KMT2A: variants seen among roughly 807,000 people sequenced by gnomAD.
KMT2A encodes histone-lysine N-methyltransferase 2A.
Under a neutral mutation model 345.3 loss-of-function variants are expected in KMT2A, and 16 were observed. That is an observed-to-expected ratio of 0.05 (90% CI 0.03 to 0.07). The LOEUF is 0.07. KMT2A is among the 10% of genes least tolerant of loss of function. The pLI, the probability that KMT2A is intolerant of heterozygous loss-of-function variation, is 1.00. For synonymous variants in KMT2A, 1,599 were observed against 1,778.6 expected, an observed-to-expected ratio of 0.90 and a Z score of 2.54; for missense variants, 3,272 against 4,841.6, an observed-to-expected ratio of 0.68 and a Z score of 9.62.
intron 1 of KMT2A, among the ~76,000 whole-genome samples, chr11:118,451,533 A>G (rs1949537420): frequency 6.6e-6 from 1 of 152,114 alleles, no homozygotes; most frequent in African/African-American, 2.4e-5. Flanking sequence ...GACTACAGGC[A>G]CATGCCACCA....
At position 118,526,426 on chromosome 11, in the gene KMT2A, G is replaced by A. The variant is rs1555055629; in HGVS notation, c.*4254G>A. 1.8e-5 allele frequency: 4 copies of A among 228,022 alleles called. No homozygotes were observed. The highest frequency in any genetic ancestry group is 8.9e-5 in the African/African-American group (4 of 45,062). 14.1% of individuals were successfully genotyped at this position (228,022 alleles called of 1,614,324 possible). On this transcript the variant is annotated 3_prime_UTR_variant, in exon 36 of 36. Coordinates refer to ENST00000534358, the MANE Select transcript of KMT2A (RefSeq NM_001197104.2). ...TGTTTCTTTTATTGAACTTTTAACA[G>A]TCTCTTTAGTAAATACAGGTAGTTG...
chr11:118,507,921 C>T (rs1555049058), intron 28 of KMT2A, among the ~76,000 whole-genome samples: 1 of 152,058 alleles, frequency 6.6e-6, no homozygotes, highest in African/African-American at 2.4e-5. Flanking sequence ...TGAGATCGCG[C>T]CACTGCACTC....
chr11:118,458,161 G>T, intron 1 of KMT2A: 1 of 400,086 alleles, frequency 2.5e-6, no homozygotes, highest in Non-Finnish European at 5.1e-6. Context: ...ACAGTTCACT[G>T]CAGCCTGTAT....
intron 1 of KMT2A, among the ~76,000 whole-genome samples, chr11:118,456,071 G>T (rs1949636552): frequency 6.6e-6 from 1 of 151,844 alleles, no homozygotes; most frequent in African/African-American, 2.4e-5. Context: ...CAAACTCCTG[G>T]AATATCCCAC....
At chr11:118,519,543 T>A in intron 31 of KMT2A, 75 bp from the exon 32 acceptor site, 2 of 1,349,084 alleles carry the variant, frequency 1.5e-6, no homozygotes, top group Non-Finnish European at 2.1e-6. Context: ...GACTATAGCA[T>A]AGGCATTTCT....
rs1426039605 is a variant in KMT2A, at chr11:118,474,225, G to A, written c.3066G>A (p.Arg1022=). 1 of 1,614,140 alleles carries A rather than the reference G, an allele frequency of 6.2e-7. No homozygotes were observed. The highest frequency in any genetic ancestry group is 8.5e-7 in the Non-Finnish European group (1 of 1,180,038). The stretch of plus-strand genomic sequence containing the variant: ...ACAAGCTTCCAATGACTGACAAGAG[G>A]GTTGCCAGCCTCCTAAAAAAGGCCA... ...QADKLPMTDK[R]VASLLKKAKA... is the part of the protein sequence containing the mutation. The change falls in exon 3 of 36, where the codon AGG becomes AGA. Residue 1022 remains arginine (R), a synonymous_variant. Transcript: ENST00000534358.
At chr11:118,519,925 T>C in intron 32 of KMT2A, 32 bp from the exon 33 acceptor site, 1 of 1,583,034 alleles carries the variant, frequency 6.3e-7, no homozygotes, top group Non-Finnish European at 8.7e-7. Flanking sequence ...TTAAAGCATT[T>C]CTCTAAATAT....
At position 118,501,726 on chromosome 11, in the gene KMT2A, C is replaced by G. The variant is rs782226750; in HGVS notation, c.6374C>G (p.Pro2125Arg). ...NTAEIISPPS[P>R]DRPPHSQTSG... ...GCTGAAATTATAAGTCCTCCATCAC[C>G]AGACCGACCTCCTCATTCACAAACC... is the stretch of plus-strand genomic sequence containing the variant. The change falls in exon 26 of 36, where the codon CCA (proline) becomes CGA (arginine). Residue 2125 changes from proline to arginine, a missense_variant. Around this residue, in one of 27 missense-constraint regions of KMT2A, gnomAD observed 66 missense variants for 73.9 expected, o/e 0.89. Transcript: ENST00000534358. 6.2e-7 allele frequency: 1 copy of G among 1,614,066 alleles called. No individual in the cohort carries two copies. Among genetic ancestry groups the G allele is most frequent in the Non-Finnish European group, 8.5e-7 (1 of 1,179,970 alleles).
In KMT2A at chr11:118,491,982, A is replaced by G. The variant is rs918762685; in HGVS notation, c.5004+54A>G. On this transcript the variant is annotated intron_variant, in intron 15 of 35. Transcript: ENST00000534358. This position sits in a 1 kb window ranked among gnomAD's most constrained non-coding sequence, Gnocchi z 4.2. Reference sequence around the variant, plus strand: ...GCTTGTTCTTAGGTAGTCTTTACCTAGTGTTTTTCTTTTGTTTTACTTCAT... The same window carrying G: ...GCTTGTTCTTAGGTAGTCTTTACCTGGTGTTTTTCTTTTGTTTTACTTCAT... The G allele has an allele frequency of 1.0e-5, 13 of 1,281,990 alleles. No homozygotes were observed. The highest frequency in any genetic ancestry group is 5.4e-4 in the Middle Eastern group (2 of 3,722). The allele number at this position is 1,281,990 out of a possible 1,614,324, so 79.4% of individuals were successfully genotyped here.
At position 118,494,176 on chromosome 11, in the gene KMT2A, A is replaced by G. The variant is rs1440247524; in HGVS notation, c.5179-112A>G. 6.1e-6 allele frequency: 4 copies of G among 651,490 alleles called. No homozygotes were observed. The highest frequency in any genetic ancestry group is 1.1e-5 in the Non-Finnish European group (4 of 358,370). The allele number at this position is 651,490 out of a possible 1,614,324, so 40.4% of individuals were successfully genotyped here. A position where few individuals can be genotyped will look rare whatever the true frequency, so the allele number is the denominator to read the frequency against. On this transcript the variant is annotated intron_variant, in intron 16 of 35. Coordinates refer to ENST00000534358, the MANE Select transcript of KMT2A (RefSeq NM_001197104.2). This position sits in a 1 kb window ranked among gnomAD's most constrained non-coding sequence, Gnocchi z 5.8. ...AAAGAGTATTATACCACATTAAAAT[A>G]GGGTGTGAGTTTTCTGTTGGATCTC... is the stretch of plus-strand genomic sequence containing the variant.
rs955430472 is a variant in KMT2A, at chr11:118,521,139, T to C, written c.11514-149T>C. 2.6e-5 allele frequency: 22 copies of C among 835,670 alleles called. No individual in the cohort carries two copies. The highest frequency in any genetic ancestry group is 3.8e-5 in the Non-Finnish European group (20 of 525,958). 51.8% of individuals were successfully genotyped at this position (835,670 alleles called of 1,614,324 possible). On this transcript the variant is annotated intron_variant, in intron 34 of 35. Transcript: ENST00000534358. This position sits in a 1 kb window ranked among gnomAD's most constrained non-coding sequence, Gnocchi z 5.3. Reference sequence around the variant, plus strand: ...CTTTCATCTTTGGCCATGTGTTAGATGGCCAAATCAAGTGGGTCCAAATTT... The same window carrying C: ...CTTTCATCTTTGGCCATGTGTTAGACGGCCAAATCAAGTGGGTCCAAATTT...
rs1443235781 is a variant in KMT2A at position 118,506,159 on chromosome 11, A to G, written c.10267A>G (p.Ile3423Val). The G allele has an allele frequency of 4.3e-6, 7 of 1,614,076 alleles. No homozygotes were observed. The highest frequency in any genetic ancestry group is 1.7e-5 in the Admixed American group (1 of 60,004). Reference sequence around the variant, plus strand: ...ATCACAGACCCCCTCTACTGCTGCAATAACAGCGGCATCTAGCATCTGTGT... The same window carrying G: ...ATCACAGACCCCCTCTACTGCTGCAGTAACAGCGGCATCTAGCATCTGTGT... ...GTSQTPSTAA[I>V]TAASSICVLP... Residue 3423 changes from isoleucine (I) to valine (V), a missense_variant, in exon 27 of 36, where the codon ATA becomes GTA. This residue lies in a region of KMT2A where 748 missense variants were observed against 922.2 expected (regional missense o/e 0.81). Coordinates refer to ENST00000534358, the MANE Select transcript of KMT2A (RefSeq NM_001197104.2).
Position 118,522,243 on chromosome 11 carries a change from C to T in KMT2A, c.*71C>T, listed in dbSNP as rs1555053839. On this transcript the variant is annotated 3_prime_UTR_variant, in exon 36 of 36. Coordinates refer to ENST00000534358, the MANE Select transcript of KMT2A (RefSeq NM_001197104.2). This position sits in a 1 kb window ranked among gnomAD's most constrained non-coding sequence, Gnocchi z 5.4. ...TCCAAAGCAACGCTGAAGGCCTTTT[C>T]CAGCAGCTGGGAGCTCCCGGATTGC... The T allele has an allele frequency of 6.4e-7, 1 of 1,560,014 alleles. No homozygotes were observed. The highest frequency in any genetic ancestry group is 1.4e-5 in the African/African-American group (1 of 73,796).
Position 118,482,764 on chromosome 11 carries a change from A to AAAG in KMT2A, c.4086+285_4086+287dup, listed in dbSNP as rs45545941. Reference sequence around the variant, plus strand: ...GTCTTTATTTAAACAAAAAAAAAAAAAAGAAGAAGAAGAAGAAGTTAGCCA... The same window carrying AAAG: ...GTCTTTATTTAAACAAAAAAAAAAAAAAGAAGAAGAAGAAGAAGAAGTTAGCCA... On this transcript the variant is annotated intron_variant, in intron 8 of 35. Coordinates refer to ENST00000534358, the MANE Select transcript of KMT2A (RefSeq NM_001197104.2). Among the ~76,000 whole-genome samples the AAAG allele has an allele frequency of 2.7e-5, 4 of 146,136 alleles. No individual in the cohort carries two copies. In the South Asian group the frequency reaches 6.4e-4, roughly 23 times the overall value.
intron 6 of KMT2A, among the ~76,000 whole-genome samples, chr11:118,480,624 T>A (rs1335468731): frequency 6.6e-6 from 1 of 152,140 alleles, no homozygotes; most frequent in African/African-American, 2.4e-5. Context: ...TGTATTTTTT[T>A]AACTTATTTT....
chr11:118,513,955 A>AG (rs1375406158), intron 31 of KMT2A, among the ~76,000 whole-genome samples: 2 of 151,082 alleles, frequency 1.3e-5, no homozygotes, highest in African/African-American at 4.9e-5. Context: ...AAAAAAAAAA[A>AG]AAAGAAAAAG....
chr11:118,452,641 GT>G (rs578082162), intron 1 of KMT2A, among the ~76,000 whole-genome samples: 2 of 131,692 alleles, frequency 1.5e-5, no homozygotes, highest in African/African-American at 2.9e-5. Context: ...TTTCTTTCTT[GT>G]TTTTTTTTTG....
In KMT2A at chr11:118,504,028, T is replaced by C; in HGVS notation, c.8136T>C (p.Cys2712=). 1 of 1,614,192 alleles carries C rather than the reference T, an allele frequency of 6.2e-7. No individual in the cohort carries two copies. Among genetic ancestry groups the C allele is most frequent in the Non-Finnish European group, 8.5e-7 (1 of 1,180,032 alleles). The change falls in exon 27 of 36, where the codon TGT becomes TGC. Residue 2712 remains cysteine (C), a synonymous_variant. Transcript: ENST00000534358. This position sits in a 1 kb window ranked among gnomAD's most constrained non-coding sequence, Gnocchi z 6.4. The part of the protein sequence containing the change: ...SHNLFREEEQ[C]DLPKISQLDG... ...ATTTATTTCGGGAGGAGGAACAGTG[T>C]GATCTTCCAAAAATCTCACAGTTGG...
At position 118,473,903 on chromosome 11, in the gene KMT2A, A is replaced by C; in HGVS notation, c.2744A>C (p.Lys915Thr). The C allele has an allele frequency of 6.2e-7, 1 of 1,614,200 alleles. No individual in the cohort carries two copies. The highest frequency in any genetic ancestry group is 8.5e-7 in the Non-Finnish European group (1 of 1,180,030). The change falls in exon 3 of 36, where the codon AAG becomes ACG. Residue 915 changes from lysine (K) to threonine (T), a missense_variant. Transcript: ENST00000534358. This position sits in a 1 kb window ranked among gnomAD's most constrained non-coding sequence, Gnocchi z 5.2. ...LYPVGRVSKEKVVGEDVATSS... is the reference protein window; with the variant it reads ...LYPVGRVSKETVVGEDVATSS... ...CCTGTGGGTAGGGTTTCCAAAGAGA[A>C]GGTTGTTGGTGAAGATGTTGCCACT...
Sources: gnomAD v4.1 joint callset for allele counts (sites outside exome capture counted in the v4.1 genomes callset) on GRCh38, gnomAD v4.1.1 for gene constraint, gnomAD v4.1.1 regional missense constraint, Gnocchi (gnomAD v3.1) non-coding constraint, MANE v1.5 for transcripts, NCBI Gene and HGNC (gene_info 2026-07-23, HGNC 2026-07-21) for gene names.